Variants in IGF2BP2 observed in about 807,000 individuals in gnomAD.
IGF2BP2 encodes the protein insulin-like growth factor 2 mRNA-binding protein 2.
A neutral mutation model predicts 75.8 loss-of-function variants in IGF2BP2; 17 were observed. The observed-to-expected ratio is 0.22, with a 90% CI of 0.15 to 0.34. The LOEUF is 0.34. Ranked by LOEUF, IGF2BP2 falls within the 10% of genes least tolerant of loss-of-function variation. The probability of loss-of-function intolerance (pLI) is 1.00; values close to 1 mark genes in which losing one functional copy is unlikely to be tolerated. For missense variants in IGF2BP2, 516 were observed against 772.4 expected (o/e 0.67, Z 3.93); for synonymous variants, 288 against 295.6 (o/e 0.97, Z 0.26).
At chr3:185,814,958 T>A (rs543474343) in intron 2 of IGF2BP2, among the ~76,000 whole-genome samples, 4 of 152,112 alleles carry the variant, frequency 2.6e-5, no homozygotes, top group Non-Finnish European at 4.4e-5. Flanking sequence ...CAGATATTTT[T>A]AAAAATACAT....
chr3:185,824,589 G>C (rs1247386895), intron 1 of IGF2BP2, among the ~76,000 whole-genome samples, 194 bp downstream of exon 1: 1 of 147,600 alleles, frequency 6.8e-6, no homozygotes. Flanking sequence ...GCAGAGTCCA[G>C]AGCTGTGGGG....
rs150876224 is a variant in IGF2BP2 at position 185,650,440 on chromosome 3, G to A, written c.1462-906C>T. On this transcript the variant is annotated intron_variant, in intron 13 of 15. Transcript: ENST00000382199. ...ACCTCTAATCCCAGCACTTTGGAAG[G>A]TCGAGGTGGACAGATTGTTTGAGGC... is the stretch of plus-strand genomic sequence containing the variant. Among the ~76,000 whole-genome samples the A allele has an allele frequency of 3.3e-5, 5 of 152,190 alleles. No homozygotes were observed. In the East Asian group the frequency reaches 9.7e-4, roughly 29 times the overall value.
At chr3:185,649,182 G>A (rs1015206169) in intron 14 of IGF2BP2, among the ~76,000 whole-genome samples, 2 of 152,088 alleles carry the variant, frequency 1.3e-5, no homozygotes, top group South Asian at 2.1e-4. Flanking sequence ...ACAGCACCAC[G>A]GATTGGGGGC....
intron 2 of IGF2BP2, among the ~76,000 whole-genome samples, chr3:185,734,628 C>T (rs1192025481): frequency 1.3e-5 from 2 of 152,140 alleles, no homozygotes; most frequent in African/African-American, 2.4e-5. Flanking sequence ...GTGAGAAGTA[C>T]GCTGAAACTT....
chr3:185,659,275 G>A (rs533202820), intron 10 of IGF2BP2, among the ~76,000 whole-genome samples: 4 of 152,186 alleles, frequency 2.6e-5, no homozygotes, highest in East Asian at 3.9e-4. Flanking sequence ...GAAAGAAAAT[G>A]AATGTGGAGA....
At chr3:185,676,103 T>C (rs1387843319) in intron 7 of IGF2BP2, among the ~76,000 whole-genome samples, 190 bp from the exon 8 acceptor site, 1 of 152,108 alleles carries the variant, frequency 6.6e-6, no homozygotes, top group Non-Finnish European at 1.5e-5. Flanking sequence ...AGCCAAACCA[T>C]GGTAATTCTA....
intron 2 of IGF2BP2, 132 bp from the exon 3 acceptor site, chr3:185,698,479 C>A: frequency 1.3e-6 from 1 of 764,324 alleles, no homozygotes; most frequent in Non-Finnish European, 2.2e-6. Flanking sequence ...ACAAAAAATT[C>A]CTACTGTGAA....
intron 12 of IGF2BP2, among the ~76,000 whole-genome samples, chr3:185,656,237 C>T (rs751353165): frequency 1.3e-5 from 2 of 152,242 alleles, no homozygotes; most frequent in Admixed American, 6.5e-5. Flanking sequence ...GTGCCTAGGC[C>T]GGGGTCTCAC....
At chr3:185,646,378 A>G (rs1713552470) in intron 15 of IGF2BP2, among the ~76,000 whole-genome samples, 1 of 152,222 alleles carries the variant, frequency 6.6e-6, no homozygotes, top group Admixed American at 6.5e-5. Flanking sequence ...GACAGCTTAG[A>G]CAAACCTTCA....
chr3:185,771,737 C>T (rs1205084311), intron 2 of IGF2BP2, among the ~76,000 whole-genome samples: 2 of 151,996 alleles, frequency 1.3e-5, no homozygotes, highest in Non-Finnish European at 2.9e-5. Context: ...GTAGTCTTGT[C>T]CTCTGAGTTT....
intron 10 of IGF2BP2, among the ~76,000 whole-genome samples, chr3:185,662,783 TCCTC>T (rs1560245315): frequency 6.6e-6 from 1 of 151,992 alleles, no homozygotes; most frequent in African/African-American, 2.4e-5. Context: ...CCTCAGGTGA[TCCTC>T]CCACCACGGC....
intron 2 of IGF2BP2, among the ~76,000 whole-genome samples, chr3:185,731,981 CAA>C (rs781417130): frequency 1.4e-5 from 2 of 141,618 alleles, no homozygotes; most frequent in Admixed American, 7.1e-5. Flanking sequence ...GACTCCGTCT[CAA>C]AAAAAAAAAA....
Position 185,689,339 on chromosome 3 carries a change from C to T in IGF2BP2, c.677+16G>A. The stretch of plus-strand genomic sequence containing the variant: ...ACCCCTCAGAAGGAAGCAAAGGAAG[C>T]CCCACAGGCACGTACCGGGACTGGG... On this transcript the variant is annotated intron_variant, in intron 6 of 15. Coordinates refer to ENST00000382199, the MANE Select transcript of IGF2BP2 (RefSeq NM_006548.6). 6.2e-7 allele frequency: 1 copy of T among 1,608,070 alleles called. No homozygotes were observed. Among genetic ancestry groups the T allele is most frequent in the Non-Finnish European group, 8.5e-7 (1 of 1,178,086 alleles).
chr3:185,650,835 G>A (rs1478374804), intron 13 of IGF2BP2, among the ~76,000 whole-genome samples: 1 of 152,088 alleles, frequency 6.6e-6, no homozygotes, highest in Admixed American at 6.5e-5. Context: ...CTATTCTCTG[G>A]CAACTGCCAA....
At chr3:185,697,695 T>C (rs535946623) in intron 3 of IGF2BP2, among the ~76,000 whole-genome samples, 43 of 152,320 alleles carry the variant, frequency 2.8e-4, no homozygotes, top group Admixed American at 2.0e-4. Context: ...TCATTCACTT[T>C]TTTTTCCAAA....
In IGF2BP2 at chr3:185,675,728, A is replaced by G. The variant is rs933180417; in HGVS notation, c.935+63T>C. The G allele has an allele frequency of 1.5e-5, 23 of 1,573,920 alleles. No individual in the cohort carries two copies. The South Asian group carries it at 2.3e-4, about 16-fold the overall frequency. On this transcript the variant is annotated intron_variant, in intron 8 of 15. Coordinates refer to ENST00000382199, the MANE Select transcript of IGF2BP2 (RefSeq NM_006548.6). ...TTAGGGAAAAGTAGATGAATGAACT[A>G]GACGTATCGAAATGCTCAGGTGTTC...
intron 2 of IGF2BP2, among the ~76,000 whole-genome samples, chr3:185,754,999 C>G (rs1209295578): frequency 1.3e-5 from 2 of 152,092 alleles, no homozygotes; most frequent in African/African-American, 4.8e-5. Flanking sequence ...AGAAAGAATC[C>G]AAGTAGGTTG....
intron 15 of IGF2BP2, among the ~76,000 whole-genome samples, chr3:185,646,213 G>A (rs995638080): frequency 6.6e-6 from 1 of 152,144 alleles, no homozygotes; most frequent in African/African-American, 2.4e-5. Flanking sequence ...CAGGGGCGTG[G>A]CCAGGGACTC....
chr3:185,730,424 G>A (rs1433106473), intron 2 of IGF2BP2, among the ~76,000 whole-genome samples: 3 of 146,264 alleles, frequency 2.1e-5, no homozygotes, highest in Non-Finnish European at 3.0e-5. Context: ...ACAAGCGCAG[G>A]TGTCTTTTTT....
Sources: gnomAD v4.1 joint callset for allele counts (sites outside exome capture counted in the v4.1 genomes callset) on GRCh38, gnomAD v4.1.1 for gene constraint, MANE v1.5 for transcripts, NCBI Gene and HGNC (gene_info 2026-07-23, HGNC 2026-07-21) for gene names.